FA2H: variants seen among roughly 807,000 people sequenced by gnomAD.
The protein encoded by FA2H is fatty acid 2-hydroxylase, also known as fatty acid alpha-hydroxylase.
In FA2H, 22 loss-of-function variants were observed where a neutral mutation model predicts 44.9. The ratio of observed to expected loss-of-function variants is 0.49; its 90% CI spans 0.35 to 0.70. The LOEUF is 0.70. FA2H is among the 30% of genes least tolerant of loss of function. The probability of loss-of-function intolerance (pLI) is 0.01; values close to 1 mark genes in which losing one functional copy is unlikely to be tolerated. For missense variants in FA2H, 501 were observed against 504.9 expected, an observed-to-expected ratio of 0.99 and a Z score of 0.07; for synonymous variants, 243 against 213.2, an observed-to-expected ratio of 1.14 and a Z score of -1.22.
At chr16:74,771,018 C>G (rs1160207583) in intron 1 of FA2H, among the ~76,000 whole-genome samples, 1 of 152,226 alleles carries the variant, frequency 6.6e-6, no homozygotes, top group Non-Finnish European at 1.5e-5. Flanking sequence ...TCCAGGGCAG[C>G]TGGCCAGGGG....
intron 1 of FA2H, among the ~76,000 whole-genome samples, chr16:74,749,901 G>A (rs1290958729): frequency 6.6e-6 from 1 of 152,142 alleles, no homozygotes; most frequent in Non-Finnish European, 1.5e-5. Flanking sequence ...TGGGGATCTG[G>A]AGAGGCCCCC....
At chr16:74,767,790 G>C (rs376304924) in intron 1 of FA2H, among the ~76,000 whole-genome samples, 4 of 152,230 alleles carry the variant, frequency 2.6e-5, no homozygotes, top group Non-Finnish European at 5.9e-5. Flanking sequence ...TTAAGCCACC[G>C]AGTTTGTGAT....
At chr16:74,719,263 C>A in intron 4 of FA2H, 103 bp from the exon 5 acceptor site, 1 of 991,702 alleles carries the variant, frequency 1.0e-6, no homozygotes, top group South Asian at 1.4e-5. Context: ...AGCTGCTGCC[C>A]TCTGTTGGAC....
chr16:74,763,621 A>ATTAGG (rs1256588629), intron 1 of FA2H, among the ~76,000 whole-genome samples: 1 of 152,216 alleles, frequency 6.6e-6, no homozygotes, highest in African/African-American at 2.4e-5. Context: ...TCCATTTCTC[A>ATTAGG]TTAGGTAATC....
chr16:74,722,869 C>A (rs1258889992), intron 4 of FA2H, among the ~76,000 whole-genome samples: 1 of 147,502 alleles, frequency 6.8e-6, no homozygotes, highest in Non-Finnish European at 1.5e-5. Flanking sequence ...CAAGATCGTG[C>A]CATTGCACTC....
chr16:74,741,806 ATATG>A (rs1243479054), intron 1 of FA2H, among the ~76,000 whole-genome samples: 26 of 60,754 alleles, frequency 4.3e-4, no homozygotes, highest in Admixed American at 7.9e-4. Flanking sequence ...ATATATATAT[ATATG>A]TGTGTGTGTG....
chr16:74,741,808 ATGTGTG>A (rs1208446986), intron 1 of FA2H, among the ~76,000 whole-genome samples: 5 of 48,416 alleles, frequency 1.0e-4, no homozygotes, highest in African/African-American at 3.2e-4. Flanking sequence ...ATATATATAT[ATGTGTG>A]TGTGTGTGTG....
rs539653358 is a variant in FA2H at position 74,767,883 on chromosome 16, T to A, written c.270+6603A>T. Among the ~76,000 whole-genome samples, 27 of 152,200 alleles carry A rather than the reference T, an allele frequency of 1.8e-4. No homozygotes were observed. The East Asian group carries it at 4.8e-3, about 27-fold the overall frequency. ...ATCCAGCAGCCAGGTGAAGAAAGTG[T>A]ACTGGAGGGGAGGAAGGGTGATCAA... On this transcript the variant is annotated intron_variant, in intron 1 of 6. Transcript: ENST00000219368.
intron 5 of FA2H, among the ~76,000 whole-genome samples, chr16:74,718,213 C>A (rs1961748797): frequency 6.6e-6 from 1 of 152,198 alleles, no homozygotes; most frequent in Non-Finnish European, 1.5e-5. Flanking sequence ...CGTTCAGTAT[C>A]AGCGACATCA....
In FA2H at chr16:74,738,725, C is replaced by T. The variant is rs545839453; in HGVS notation, c.363+1298G>A. On this transcript the variant is annotated intron_variant, in intron 2 of 6. Transcript: ENST00000219368. Reference sequence around the variant, plus strand: ...TTTGGTCCCCTCATCAGTCCCCAAACTCTCCCCATTCCCCTCCGATCTCCC... The same window carrying T: ...TTTGGTCCCCTCATCAGTCCCCAAATTCTCCCCATTCCCCTCCGATCTCCC... 2.6e-5 allele frequency among the ~76,000 whole-genome samples: 4 copies of T among 152,108 alleles called. No homozygotes were observed. In the East Asian group the frequency reaches 7.7e-4, roughly 29 times the overall value.
chr16:74,771,770 G>A (rs933335), intron 1 of FA2H, among the ~76,000 whole-genome samples: 53,726 of 151,678 alleles, frequency 0.35, 9,971 homozygotes, highest in African/African-American at 0.42. Flanking sequence ...AGACTCTCCC[G>A]AATTCATCCC....
intron 2 of FA2H, among the ~76,000 whole-genome samples, chr16:74,729,168 G>A (rs796072714): frequency 1.6e-4 from 25 of 152,058 alleles, no homozygotes; most frequent in African/African-American, 5.5e-4. Context: ...ATGCCACCTC[G>A]CCCGCTAATT....
chr16:74,765,271 C>T (rs1410644627), intron 1 of FA2H, among the ~76,000 whole-genome samples: 1 of 152,042 alleles, frequency 6.6e-6, no homozygotes, highest in Non-Finnish European at 1.5e-5. Context: ...ACTCTCCTGC[C>T]TCAGCCTCCC....
At chr16:74,759,238 C>T (rs913451599) in intron 1 of FA2H, among the ~76,000 whole-genome samples, 1 of 152,256 alleles carries the variant, frequency 6.6e-6, no homozygotes, top group Non-Finnish European at 1.5e-5. Context: ...CAACATACTA[C>T]ACACGTTTCA....
chr16:74,774,474 G>A lies in FA2H; in HGVS notation c.270+12C>T. ...GCCTGGGTTGGGGTGGGGGGCCCCG[G>A]CCCGGCTGTACCTGCTGCTCCCCGC... is the stretch of plus-strand genomic sequence containing the variant. On this transcript the variant is annotated intron_variant, in intron 1 of 6. Transcript: ENST00000219368. 1 of 1,500,934 alleles carries A rather than the reference G, an allele frequency of 6.7e-7. No homozygotes were observed. The highest frequency in any genetic ancestry group is 8.8e-7 in the Non-Finnish European group (1 of 1,130,910). 93.0% of individuals were successfully genotyped at this position (1,500,934 alleles called of 1,614,324 possible).
intron 2 of FA2H, among the ~76,000 whole-genome samples, chr16:74,728,385 G>A (rs1404582949): frequency 6.6e-6 from 1 of 152,196 alleles, no homozygotes; most frequent in Non-Finnish European, 1.5e-5. Flanking sequence ...TGGTACAAAT[G>A]CCCGGGTCAC....
chr16:74,733,155 G>T (rs183418800), intron 2 of FA2H, among the ~76,000 whole-genome samples: 2 of 152,180 alleles, frequency 1.3e-5, no homozygotes, highest in Non-Finnish European at 2.9e-5. Flanking sequence ...CCCAGGGAAG[G>T]TGCCCACTTC....
rs1489605066 is a variant in FA2H, at chr16:74,725,294, G to C, written c.613+931C>G. On this transcript the variant is annotated intron_variant, in intron 4 of 6. Coordinates refer to ENST00000219368, the MANE Select transcript of FA2H (RefSeq NM_024306.5). ...CTTGACTTGCAGAGTGCAGGGAAAA[G>C]AGCTTCCCCTGGCAGAGTGAGGGCA... 2.0e-5 allele frequency among the ~76,000 whole-genome samples: 3 copies of C among 152,198 alleles called. No individual in the cohort carries two copies. The East Asian group carries it at 5.8e-4, about 29-fold the overall frequency.
chr16:74,714,313 G>A (rs1426389740), intron 6 of FA2H, 44 bp from the exon 7 acceptor site: 3 of 1,261,154 alleles, frequency 2.4e-6, no homozygotes, highest in African/African-American at 1.5e-5. Flanking sequence ...CATTGAAGGA[G>A]CAGGCGTGCG....
Sources: allele counts gnomAD v4.1 joint callset (sites outside exome capture counted in the v4.1 genomes callset), GRCh38; gene constraint gnomAD v4.1.1; transcripts MANE v1.5; gene names NCBI Gene and HGNC (gene_info 2026-07-23, HGNC 2026-07-21).